The following RBFOX1 variants were observed in gnomAD, a reference collection of about 807,000 sequenced individuals.
RBFOX1 encodes the protein RNA binding fox-1 homolog 1, also known as RNA binding protein fox-1 homolog 1.
In RBFOX1, 8 loss-of-function variants were observed where a neutral mutation model predicts 57.7. The ratio of observed to expected loss-of-function variants is 0.14; its 90% CI spans 0.08 to 0.25. RBFOX1 has a LOEUF of 0.25. Ranked by LOEUF, RBFOX1 falls within the 10% of genes least tolerant of loss-of-function variation. The probability of loss-of-function intolerance (pLI) is 1.00; values close to 1 mark genes in which losing one functional copy is unlikely to be tolerated. For missense variants in RBFOX1, 611 were observed against 548.5 expected (o/e 1.11, Z -1.14); for synonymous variants, 326 against 222.4 (o/e 1.47, Z -4.15).
chr16:6,595,527 A>G (rs1279866450), intron 2 of RBFOX1, among the ~76,000 whole-genome samples: 1 of 152,214 alleles, frequency 6.6e-6, no homozygotes, highest in Non-Finnish European at 1.5e-5. Flanking sequence ...ACATTGATGT[A>G]CAAGTTTTTC....
At chr16:7,570,632 C>G (rs2092677288) in intron 5 of RBFOX1, among the ~76,000 whole-genome samples, 1 of 152,148 alleles carries the variant, frequency 6.6e-6, no homozygotes, top group African/African-American at 2.4e-5. Context: ...CATAAATATT[C>G]CTTCCCTGAA....
chr16:5,478,075 C>T (rs976785700), intron 2 of RBFOX1, among the ~76,000 whole-genome samples: 1 of 152,136 alleles, frequency 6.6e-6, no homozygotes, highest in African/African-American at 2.4e-5. Context: ...TTCTGTGTTC[C>T]TCCACTTTCC....
At chr16:6,934,313 C>T (rs907381482) in intron 3 of RBFOX1, among the ~76,000 whole-genome samples, 1 of 152,088 alleles carries the variant, frequency 6.6e-6, no homozygotes, top group African/African-American at 2.4e-5. Context: ...ATGATGTTTT[C>T]CTTTATTTCT....
chr16:7,650,590 T>A (rs1280663232), intron 11 of RBFOX1, among the ~76,000 whole-genome samples: 1 of 152,190 alleles, frequency 6.6e-6, no homozygotes, highest in Non-Finnish European at 1.5e-5. Context: ...GCCAAGCTTC[T>A]GTTTCATGTT....
intron 4 of RBFOX1, among the ~76,000 whole-genome samples, chr16:7,075,283 C>T (rs540204027): frequency 6.6e-6 from 1 of 152,154 alleles, no homozygotes; most frequent in Admixed American, 6.5e-5. Flanking sequence ...CAAATGCAAG[C>T]AGTTATTGGT....
intron 5 of RBFOX1, among the ~76,000 whole-genome samples, chr16:7,568,126 G>C (rs2092323464): frequency 6.6e-6 from 1 of 152,146 alleles, no homozygotes; most frequent in African/African-American, 2.4e-5. Context: ...CACACAAAAA[G>C]AATTCGAGGT....
chr16:6,667,272 G>C (rs2098738880), intron 3 of RBFOX1, among the ~76,000 whole-genome samples: 1 of 152,114 alleles, frequency 6.6e-6, no homozygotes, highest in Non-Finnish European at 1.5e-5. Context: ...AACCCAGAGA[G>C]TGTAATGAAA....
chr16:6,942,619 C>T (rs2078748781), intron 3 of RBFOX1, among the ~76,000 whole-genome samples: 1 of 152,098 alleles, frequency 6.6e-6, no homozygotes, highest in Admixed American at 6.6e-5. Flanking sequence ...CTTTTCAGTG[C>T]AGGAGACGGT....
At chr16:7,690,661 G>T (rs1468173719) in intron 14 of RBFOX1, among the ~76,000 whole-genome samples, 1 of 87,166 alleles carries the variant, frequency 1.1e-5, no homozygotes, top group Non-Finnish European at 2.3e-5. Flanking sequence ...TACCTGCATT[G>T]TTCTGATCTT....
At chr16:7,519,846 C>G in intron 5 of RBFOX1, 7 of 520,762 alleles carry the variant, frequency 1.3e-5, no homozygotes, top group Non-Finnish European at 1.7e-5. Flanking sequence ...TACTTGCCAC[C>G]TCATTCATTT....
intron 3 of RBFOX1, among the ~76,000 whole-genome samples, chr16:5,664,722 C>T (rs770618066): frequency 5.3e-5 from 8 of 152,176 alleles, no homozygotes; most frequent in Admixed American, 2.6e-4. Flanking sequence ...GTGGGAAATA[C>T]TGACTCTTGG....
chr16:7,276,515 G>A (rs2095443041), intron 4 of RBFOX1, among the ~76,000 whole-genome samples: 1 of 152,082 alleles, frequency 6.6e-6, no homozygotes, highest in African/African-American at 2.4e-5. Flanking sequence ...GCAAGCAAAG[G>A]GTAGGGAAAT....
At chr16:6,268,349 C>T (rs1405436518) in intron 1 of RBFOX1, among the ~76,000 whole-genome samples, 1 of 152,160 alleles carries the variant, frequency 6.6e-6, no homozygotes. Context: ...CCCTAATCAT[C>T]GCCTTCCAGG....
chr16:7,285,535 A>G (rs1158725061), intron 4 of RBFOX1, among the ~76,000 whole-genome samples: 1 of 151,734 alleles, frequency 6.6e-6, no homozygotes, highest in East Asian at 1.9e-4. Context: ...TCTTTTTACA[A>G]CCACCCCCGC....
In RBFOX1 at chr16:5,345,399, T is replaced by C. The variant is rs577462296; in HGVS notation, c.219+105294T>C. ...ACAAAGCACCCCATTCAAACCCAAC[T>C]AAAGCCCTCGTGCATGCCCACCCAT... On this transcript the variant is annotated intron_variant, in intron 1 of 2. Transcript: ENST00000585867. 3.3e-5 allele frequency among the ~76,000 whole-genome samples: 5 copies of C among 152,216 alleles called. No homozygotes were observed. In the South Asian group the frequency reaches 1.0e-3, roughly 32 times the overall value.
At chr16:7,415,201 AT>A (rs2098466654) in intron 4 of RBFOX1, among the ~76,000 whole-genome samples, 1 of 152,174 alleles carries the variant, frequency 6.6e-6, no homozygotes, top group South Asian at 2.1e-4. Flanking sequence ...GTGCCTTCAA[AT>A]GTCCCAGAGG....
intron 4 of RBFOX1, among the ~76,000 whole-genome samples, chr16:7,330,984 C>T (rs905135805): frequency 3.3e-5 from 5 of 152,096 alleles, no homozygotes; most frequent in South Asian, 4.1e-4. Context: ...GGGGTCAGTG[C>T]GCAGCTGTTA....
chr16:7,420,258 G>A (rs953152041), intron 4 of RBFOX1, among the ~76,000 whole-genome samples: 8 of 152,072 alleles, frequency 5.3e-5, no homozygotes, highest in East Asian at 1.9e-4. Context: ...ATAGCCTCTC[G>A]TCCTATTAGA....
chr16:5,290,838 A>G (rs1361346691), intron 1 of RBFOX1, among the ~76,000 whole-genome samples: 1 of 151,988 alleles, frequency 6.6e-6, no homozygotes, highest in African/African-American at 2.4e-5. Context: ...AGCTGGGATT[A>G]CAGGCACCCA....
Sources: allele counts gnomAD v4.1 joint callset (sites outside exome capture counted in the v4.1 genomes callset), GRCh38; gene constraint gnomAD v4.1.1; transcripts MANE v1.5; gene names NCBI Gene and HGNC (gene_info 2026-07-23, HGNC 2026-07-21).